MSRA: variants seen among roughly 807,000 people sequenced by gnomAD.
MSRA encodes mitochondrial peptide methionine sulfoxide reductase.
MSRA carries 54 observed loss-of-function variants against 31.3 expected under a neutral mutation model. That is an observed-to-expected ratio of 1.73 (90% CI 1.39 to 2.17). MSRA has a LOEUF of 2.17. Among genes scored for constraint, MSRA ranks in the 30% most tolerant of loss-of-function variants. The pLI, the probability that MSRA is intolerant of heterozygous loss-of-function variation, is 0.00. For synonymous variants in MSRA, 169 were observed against 116.5 expected, an observed-to-expected ratio of 1.45 and a Z score of -2.90; for missense variants, 507 against 300.9, an observed-to-expected ratio of 1.69 and a Z score of -5.07.
At chr8:10,370,508 G>A (rs1473639835) in intron 5 of MSRA, among the ~76,000 whole-genome samples, 1 of 152,316 alleles carries the variant, frequency 6.6e-6, no homozygotes, top group African/African-American at 2.4e-5. Flanking sequence ...TGTAATGTTG[G>A]TTGTCATTTA....
At chr8:10,358,813 C>T (rs543845348) in intron 5 of MSRA, among the ~76,000 whole-genome samples, 150 of 148,432 alleles carry the variant, frequency 1.0e-3, no homozygotes, top group Middle Eastern at 3.4e-3. Context: ...GGGATGGTCT[C>T]GATCTCCTGA....
Position 10,054,942 on chromosome 8 carries a change from C to T in MSRA, c.142+284C>T, listed in dbSNP as rs139186379. 9.9e-4 allele frequency among the ~76,000 whole-genome samples: 151 copies of T among 152,320 alleles called. 1 individual carries two copies. Among genetic ancestry groups the T allele is most frequent in the African/African-American group, 3.3e-3 (137 of 41,578 alleles). On this transcript the variant is annotated intron_variant, in intron 1 of 5. Coordinates refer to ENST00000317173, the MANE Select transcript of MSRA (RefSeq NM_012331.5). ...CTCACTTACCCGGAGTGCATACCGT[C>T]GCGGCCCCAAGTTTTGGGCAGGAAA... is the stretch of plus-strand genomic sequence containing the variant.
chr8:10,107,690 C>A (rs1327081764), intron 1 of MSRA, among the ~76,000 whole-genome samples: 2 of 152,112 alleles, frequency 1.3e-5, no homozygotes, highest in Admixed American at 6.6e-5. Flanking sequence ...TCCAAGAGAG[C>A]TTTCGTCATT....
At chr8:10,278,044 CT>C (rs1397392234) in intron 3 of MSRA, among the ~76,000 whole-genome samples, 2 of 152,098 alleles carry the variant, frequency 1.3e-5, no homozygotes, top group African/African-American at 2.4e-5. Flanking sequence ...TTGATATCTC[CT>C]GTAATGTCGA....
intron 1 of MSRA, chr8:10,095,407 T>A (rs1051903584): frequency 8.8e-5 from 80 of 905,312 alleles, no homozygotes; most frequent in Non-Finnish European, 2.0e-5. Flanking sequence ...GGTGCCAGGA[T>A]TTGGGTACCG....
chr8:10,369,625 T>A (rs1291275344), intron 5 of MSRA, among the ~76,000 whole-genome samples: 2 of 152,200 alleles, frequency 1.3e-5, no homozygotes, highest in East Asian at 3.8e-4. Context: ...TATAATATAT[T>A]AAAATTTGAT....
intron 1 of MSRA, among the ~76,000 whole-genome samples, chr8:10,118,538 G>C (rs1015043897): frequency 6.6e-6 from 1 of 151,886 alleles, no homozygotes; most frequent in Non-Finnish European, 1.5e-5. Context: ...GTCCAAACTC[G>C]AGCCTAGTAC....
At chr8:10,281,424 C>T (rs1307291533) in intron 3 of MSRA, among the ~76,000 whole-genome samples, 1 of 152,188 alleles carries the variant, frequency 6.6e-6, no homozygotes, top group Non-Finnish European at 1.5e-5. Flanking sequence ...TTCCAGTTCC[C>T]ACCCTCATAG....
At chr8:10,376,980 C>T (rs1173161986) in intron 5 of MSRA, among the ~76,000 whole-genome samples, 7 of 152,122 alleles carry the variant, frequency 4.6e-5, no homozygotes, top group Admixed American at 3.9e-4. Context: ...TGAATGTTAG[C>T]CCAGATTCTT....
intron 1 of MSRA, among the ~76,000 whole-genome samples, chr8:10,098,474 T>A (rs1799320218): frequency 6.6e-6 from 1 of 152,224 alleles, no homozygotes; most frequent in African/African-American, 2.4e-5. Context: ...AACAAATGTT[T>A]ATTGAGCACT....
chr8:10,341,792 C>G (rs1369009529), intron 5 of MSRA, among the ~76,000 whole-genome samples: 2 of 152,216 alleles, frequency 1.3e-5, no homozygotes, highest in East Asian at 1.9e-4. Flanking sequence ...AATGTTCTGT[C>G]TGCAGCTGTA....
intron 5 of MSRA, chr8:10,337,474 C>T (rs1039363055): frequency 3.8e-5 from 19 of 496,754 alleles, no homozygotes; most frequent in African/African-American, 1.8e-4. Context: ...CCACCACGCC[C>T]GGCCAAGCCT....
At chr8:10,065,001 G>C (rs1473694276) in intron 1 of MSRA, among the ~76,000 whole-genome samples, 2 of 152,086 alleles carry the variant, frequency 1.3e-5, no homozygotes, top group African/African-American at 2.4e-5. Flanking sequence ...GGAATGGTAG[G>C]CTGTCACAGA....
At chr8:10,141,703 C>T (rs1458455554) in intron 1 of MSRA, among the ~76,000 whole-genome samples, 3 of 151,710 alleles carry the variant, frequency 2.0e-5, no homozygotes, top group Non-Finnish European at 4.4e-5. Flanking sequence ...GAACTCACCT[C>T]TTGACAAATG....
At chr8:10,367,386 G>T (rs1257797750) in intron 5 of MSRA, among the ~76,000 whole-genome samples, 1 of 152,148 alleles carries the variant, frequency 6.6e-6, no homozygotes, top group Non-Finnish European at 1.5e-5. Context: ...ACTTTAACAG[G>T]TAGGTATGTA....
At chr8:10,419,550 G>A (rs1488429202) in intron 5 of MSRA, among the ~76,000 whole-genome samples, 1 of 152,176 alleles carries the variant, frequency 6.6e-6, no homozygotes, top group African/African-American at 2.4e-5. Flanking sequence ...GAGGCACCCT[G>A]CAATCCGTCT....
chr8:10,097,029 C>T (rs566335039), intron 1 of MSRA, among the ~76,000 whole-genome samples: 42 of 152,248 alleles, frequency 2.8e-4, no homozygotes, highest in Middle Eastern at 3.4e-3. Context: ...AGTATGTAAT[C>T]ATTGATTTCT....
intron 2 of MSRA, among the ~76,000 whole-genome samples, chr8:10,210,875 A>G (rs1177494904): frequency 6.6e-6 from 1 of 151,714 alleles, no homozygotes; most frequent in Non-Finnish European, 1.5e-5. Flanking sequence ...CTGGGATTAC[A>G]GGTGTGCATC....
At chr8:10,126,527 T>C (rs1011031492) in intron 1 of MSRA, among the ~76,000 whole-genome samples, 3 of 152,182 alleles carry the variant, frequency 2.0e-5, no homozygotes, top group Non-Finnish European at 4.4e-5. Flanking sequence ...TCTTTCTTTT[T>C]TCTTTTGAGA....
Sources: allele counts gnomAD v4.1 joint callset (sites outside exome capture counted in the v4.1 genomes callset), GRCh38; gene constraint gnomAD v4.1.1; transcripts MANE v1.5; gene names NCBI Gene and HGNC (gene_info 2026-07-23, HGNC 2026-07-21).